Variants in ABCC1 observed in about 807,000 individuals in gnomAD.
ABCC1 encodes the protein ATP binding cassette subfamily C member 1 (ABCC1 blood group).
A neutral mutation model predicts 172.9 loss-of-function variants in ABCC1; 83 were observed. The ratio of observed to expected loss-of-function variants is 0.48; its 90% confidence interval spans 0.40 to 0.58. ABCC1 has a LOEUF of 0.58. ABCC1 is among the 20% of genes least tolerant of loss of function. The pLI is 0.00. For missense variants in ABCC1, 1,817 were observed against 2,002.7 expected, an observed-to-expected ratio of 0.91 and a Z score of 1.77; for synonymous variants, 937 against 825.2, an observed-to-expected ratio of 1.14 and a Z score of -2.32.
chr16:16,107,963 G>C (rs1426938996), intron 21 of ABCC1, among the ~76,000 whole-genome samples: 1 of 151,704 alleles, frequency 6.6e-6, no homozygotes, highest in Non-Finnish European at 1.5e-5. Flanking sequence ...GCCCGGATGT[G>C]TCCAGAGCTT....
At position 16,086,810 on chromosome 16, in the gene ABCC1, G is replaced by C. The variant is rs372908976; in HGVS notation, c.2293-14G>C. 15 of 1,612,334 alleles carry C rather than the reference G, an allele frequency of 9.3e-6. No individual in the cohort carries two copies. Among genetic ancestry groups the C allele is most frequent in the Non-Finnish European group, 1.3e-5 (15 of 1,179,422 alleles). On this transcript the variant is annotated splice_polypyrimidine_tract_variant and intron_variant, in intron 17 of 30. Transcript: ENST00000399410. Reference sequence around the variant, plus strand: ...TTTCCCAGGAAACCCACTCCTGTGTGTGTCTCTCCCCAGGGCGTGAACCTG... The same window carrying C: ...TTTCCCAGGAAACCCACTCCTGTGTCTGTCTCTCCCCAGGGCGTGAACCTG...
At chr16:16,136,432 C>T (rs766974509) in intron 28 of ABCC1, 46 bp from the exon 29 acceptor site, 12 of 1,600,882 alleles carry the variant, frequency 7.5e-6, no homozygotes, top group East Asian at 2.2e-5. Context: ...TCCATGTCAG[C>T]GTGACACAGG....
intron 5 of ABCC1, among the ~76,000 whole-genome samples, chr16:16,019,302 C>T (rs1036599953): frequency 6.6e-6 from 1 of 152,104 alleles, no homozygotes; most frequent in Admixed American, 6.6e-5. Context: ...TGGGGCTTCA[C>T]CATCTTGGCC....
intron 5 of ABCC1, among the ~76,000 whole-genome samples, chr16:16,028,977 C>G (rs2151816887): frequency 6.6e-6 from 1 of 152,192 alleles, no homozygotes; most frequent in South Asian, 2.1e-4. Flanking sequence ...GGTCCTCCCC[C>G]TGGAGGTGCT....
chr16:16,048,790 C>G (rs2049317163), intron 10 of ABCC1, among the ~76,000 whole-genome samples: 1 of 152,126 alleles, frequency 6.6e-6, no homozygotes, highest in African/African-American at 2.4e-5. Flanking sequence ...AGTTCGAGAC[C>G]AGCCTCAACG....
At chr16:16,127,916 GTTTT>G (rs371440132) in intron 26 of ABCC1, among the ~76,000 whole-genome samples, 4 of 128,366 alleles carry the variant, frequency 3.1e-5, no homozygotes, top group African/African-American at 8.7e-5. Context: ...ATTTCATTAG[GTTTT>G]TTTTTTTTTT....
chr16:16,024,545 G>T lies in ABCC1; in HGVS notation c.615+7924G>T, dbSNP rs759103828. 2.0e-5 allele frequency among the ~76,000 whole-genome samples: 3 copies of T among 152,126 alleles called. No individual in the cohort carries two copies. The East Asian group carries it at 5.8e-4, about 29-fold the overall frequency. On this transcript the variant is annotated intron_variant, in intron 5 of 30. Transcript: ENST00000399410. ...TTTTTCTGTTTTTGGTAGAGATGGG[G>T]TTTCTGTATGTTACTCAGGCTGGTC...
At chr16:16,005,108 G>C (rs1364626587) in intron 1 of ABCC1, among the ~76,000 whole-genome samples, 1 of 148,450 alleles carries the variant, frequency 6.7e-6, no homozygotes, top group Non-Finnish European at 1.5e-5. Context: ...GCTCTGTGGA[G>C]CTGTAAGGGT....
rs188910250 is a variant in ABCC1, at chr16:15,954,493, G to C, written c.48+4694G>C. ...AGGTCCAGGATGGTGACATGACAGG[G>C]TGCAAGGTGGCAAGGTGAATGGCTT... On this transcript the variant is annotated intron_variant, in intron 1 of 30. Transcript: ENST00000399410. Among the ~76,000 whole-genome samples, 6 of 152,178 alleles carry C rather than the reference G, an allele frequency of 3.9e-5. No homozygotes were observed. In the East Asian group the frequency reaches 1.2e-3, roughly 29 times the overall value.
chr16:16,024,692 G>C (rs2151799370), intron 5 of ABCC1, among the ~76,000 whole-genome samples: 1 of 152,250 alleles, frequency 6.6e-6, no homozygotes, highest in East Asian at 1.9e-4. Context: ...GGTGGGAGCT[G>C]AGGAAAGGTT....
rs187674704 is a variant in ABCC1, at chr16:16,119,507, A to G, written c.3391-2468A>G. Among the ~76,000 whole-genome samples the G allele has an allele frequency of 9.9e-5, 15 of 152,220 alleles. No homozygotes were observed. The East Asian group carries it at 1.7e-3, about 18-fold the overall frequency. On this transcript the variant is annotated intron_variant, in intron 23 of 30. Coordinates refer to ENST00000399410, the MANE Select transcript of ABCC1 (RefSeq NM_004996.4). ...GGAGTTTGAGACCAGCCTGGCCAACATGGTGAAACCCCATCTCTACTAAAA... is the reference window on the plus strand; with the variant it reads ...GGAGTTTGAGACCAGCCTGGCCAACGTGGTGAAACCCCATCTCTACTAAAA...
intron 1 of ABCC1, among the ~76,000 whole-genome samples, chr16:15,962,151 G>A (rs2046147938): frequency 6.6e-6 from 1 of 152,222 alleles, no homozygotes; most frequent in African/African-American, 2.4e-5. Flanking sequence ...TTGGCTGTGT[G>A]TGAGAGGGCT....
chr16:16,112,378 A>G (rs74807771), intron 22 of ABCC1, among the ~76,000 whole-genome samples: 1 of 151,226 alleles, frequency 6.6e-6, no homozygotes, highest in Non-Finnish European at 1.5e-5. Flanking sequence ...AATAAACAAA[A>G]AAAAAAAAAC....
rs8187844 is a variant in ABCC1, at chr16:16,009,825, C to T, written c.275C>T (p.Ser92Phe). The T allele has an allele frequency of 2.3e-4, 372 of 1,611,656 alleles. 2 individuals carry two copies. The African/African-American group carries it at 4.5e-3, about 20-fold the overall frequency. ...GTCTGCTGGGCAGACCTCTTCTACTCTTTCTGGGAAAGAAGTCGGGGCATA... is the reference window on the plus strand; with the variant it reads ...GTCTGCTGGGCAGACCTCTTCTACTTTTTCTGGGAAAGAAGTCGGGGCATA... ...WIVCWADLFY[S>F]FWERSRGIFL... Residue 92 changes from serine (S) to phenylalanine (F), a missense_variant, in exon 3 of 31, where the codon TCT (serine) becomes TTT (phenylalanine). Ser to Phe is a radical substitution (Grantham distance 155). This residue lies in a region of ABCC1 where 398 missense variants were observed against 384.2 expected (regional missense o/e 1.04). Transcript: ENST00000399410.
chr16:16,101,678 G>A (rs45524631), intron 19 of ABCC1, among the ~76,000 whole-genome samples: 24 of 152,252 alleles, frequency 1.6e-4, no homozygotes, highest in Admixed American at 1.5e-3. Flanking sequence ...CAAAGAATGA[G>A]GCAGTCAGTG....
At chr16:16,053,217 C>T (rs2049504753) in intron 11 of ABCC1, among the ~76,000 whole-genome samples, 1 of 151,186 alleles carries the variant, frequency 6.6e-6, no homozygotes, top group Non-Finnish European at 1.5e-5. Context: ...TACAAATTAC[C>T]CCCTACTTTT....
chr16:16,034,967 A>G lies in ABCC1; in HGVS notation c.678-1505A>G, dbSNP rs185860817. On this transcript the variant is annotated intron_variant, in intron 6 of 30. Transcript: ENST00000399410. ...TTTGTGTGTGCATGTCAATGGATAC[A>G]GACAGAGAATGATACTGCAAACGTG... Among the ~76,000 whole-genome samples the G allele has an allele frequency of 4.0e-3, 616 of 152,350 alleles. 3 individuals carry two copies. The highest frequency in any genetic ancestry group is 0.014 in the Middle Eastern group (4 of 294).
At chr16:16,014,416 C>T in intron 3 of ABCC1, 75 bp from the exon 4 acceptor site, 1 of 1,542,480 alleles carries the variant, frequency 6.5e-7, no homozygotes, top group Non-Finnish European at 8.8e-7. Flanking sequence ...CACTGCGCTC[C>T]AGCCTGGGTG....
intron 19 of ABCC1, among the ~76,000 whole-genome samples, chr16:16,100,273 C>T (rs1470736498): frequency 1.3e-5 from 2 of 152,170 alleles, no homozygotes; most frequent in Non-Finnish European, 2.9e-5. Context: ...CAGAAGCTCC[C>T]AGCTGACCAT....
Sources: gnomAD v4.1 joint callset for allele counts (sites outside exome capture counted in the v4.1 genomes callset) on GRCh38, gnomAD v4.1.1 for gene constraint, gnomAD v4.1.1 regional missense constraint, MANE v1.5 for transcripts, NCBI Gene and HGNC (gene_info 2026-07-23, HGNC 2026-07-21) for gene names.